The following BCL2 variants were observed in gnomAD, a reference collection of about 807,000 sequenced individuals.
BCL2 encodes apoptosis regulator Bcl-2.
Under a neutral mutation model 14.2 loss-of-function variants are expected in BCL2, and 1 was observed. The ratio of observed to expected loss-of-function variants is 0.07; its 90% CI spans 0.02 to 0.33. The LOEUF (loss-of-function observed/expected upper bound fraction) is 0.33, where lower values mean the gene tolerates loss of function less well. Ranked by LOEUF, BCL2 falls within the 10% of genes least tolerant of loss-of-function variation. The pLI is 0.99. For missense variants in BCL2, 247 were observed against 305.9 expected (o/e 0.81, Z 1.44); for synonymous variants, 151 against 137.2 (o/e 1.10, Z -0.70).
intron 2 of BCL2, among the ~76,000 whole-genome samples, chr18:63,197,951 T>C (rs540148052): frequency 5.9e-5 from 9 of 152,310 alleles, no homozygotes; most frequent in South Asian, 2.1e-4. Flanking sequence ...ATTTTCTCCA[T>C]TGAAAATTTC....
chr18:63,172,452 C>T (rs373638416), intron 2 of BCL2, among the ~76,000 whole-genome samples: 1 of 152,158 alleles, frequency 6.6e-6, no homozygotes, highest in East Asian at 1.9e-4. Flanking sequence ...GGGGACTCAA[C>T]AATCATGCCC....
At chr18:63,161,569 T>C (rs1914922497) in intron 2 of BCL2, among the ~76,000 whole-genome samples, 1 of 152,214 alleles carries the variant, frequency 6.6e-6, no homozygotes, top group South Asian at 2.1e-4. Context: ...CAGCCTCAGA[T>C]GGCTTGGTGT....
rs183922831 is a variant in BCL2, at chr18:63,306,979, G to A, written c.585+11103C>T. Among the ~76,000 whole-genome samples, 349 of 152,056 alleles carry A rather than the reference G, an allele frequency of 2.3e-3. 1 individual carries two copies. The highest frequency in any genetic ancestry group is 3.6e-3 in the Non-Finnish European group (245 of 67,994). Reference sequence around the variant, plus strand: ...AGCACTGCCCTAGACTATCAGCCACGCCGCTCTGGCTCTCACTTCCCACTT... The same window carrying A: ...AGCACTGCCCTAGACTATCAGCCACACCGCTCTGGCTCTCACTTCCCACTT... On this transcript the variant is annotated intron_variant, in intron 2 of 2. Coordinates refer to ENST00000333681, the MANE Select transcript of BCL2 (RefSeq NM_000633.3).
Position 63,127,491 on chromosome 18 carries a change from C to T in BCL2, c.*1134G>A. The T allele has an allele frequency of 8.6e-6, 2 of 232,404 alleles. No homozygotes were observed. Among genetic ancestry groups the T allele is most frequent in the Non-Finnish European group, 1.7e-5 (2 of 117,508 alleles). The allele number at this position is 232,404 out of a possible 1,614,324, so 14.4% of individuals were successfully genotyped here. On this transcript the variant is annotated 3_prime_UTR_variant, in exon 3 of 3. Transcript: ENST00000333681. The stretch of plus-strand genomic sequence containing the variant: ...CCAGGGTGACAGGCCCAGCCACACC[C>T]CTCTACTGCTCTTTCTTGACAGTGG...
chr18:63,217,757 C>A (rs1312302194), intron 2 of BCL2, among the ~76,000 whole-genome samples: 1 of 152,174 alleles, frequency 6.6e-6, no homozygotes, highest in Non-Finnish European at 1.5e-5. Context: ...TAAGGTTAGA[C>A]AAAGTGATCT....
chr18:63,308,522 A>G (rs188193019), intron 2 of BCL2, among the ~76,000 whole-genome samples: 24 of 152,306 alleles, frequency 1.6e-4, no homozygotes, highest in African/African-American at 5.8e-4. Context: ...TGTGTCTACA[A>G]CCTTCGTATA....
At chr18:63,199,816 G>T (rs1909638074) in intron 2 of BCL2, among the ~76,000 whole-genome samples, 1 of 152,146 alleles carries the variant, frequency 6.6e-6, no homozygotes, top group African/African-American at 2.4e-5. Flanking sequence ...TGTGCTGTGA[G>T]TGGCATAATC....
At chr18:63,193,763 T>C (rs1414118239) in intron 2 of BCL2, among the ~76,000 whole-genome samples, 2 of 152,100 alleles carry the variant, frequency 1.3e-5, no homozygotes, top group African/African-American at 4.8e-5. Context: ...GAGGTTTCAG[T>C]ATGGTGGTCC....
intron 2 of BCL2, among the ~76,000 whole-genome samples, chr18:63,275,584 GA>G (rs1296077389): frequency 6.6e-6 from 1 of 152,112 alleles, no homozygotes; most frequent in Non-Finnish European, 1.5e-5. Context: ...TCATATTGTC[GA>G]AAAATAAAAA....
At chr18:63,169,375 C>CTTTCTTTCTTTCTT (rs1915160815) in intron 2 of BCL2, among the ~76,000 whole-genome samples, 1 of 106,966 alleles carries the variant, frequency 9.3e-6, no homozygotes, top group Non-Finnish European at 1.7e-5. Flanking sequence ...CTTTCTCTTT[C>CTTTCTTTCTTTCTT]TTTCTTTCTT....
intron 2 of BCL2, among the ~76,000 whole-genome samples, chr18:63,205,275 C>G (rs1048708566): frequency 1.3e-5 from 2 of 152,210 alleles, no homozygotes; most frequent in African/African-American, 4.8e-5. Context: ...TATTTGTACA[C>G]CTGGCTGTCT....
At chr18:63,244,041 C>T (rs890016259) in intron 2 of BCL2, among the ~76,000 whole-genome samples, 3 of 152,044 alleles carry the variant, frequency 2.0e-5, no homozygotes, top group Non-Finnish European at 4.4e-5. Context: ...GTCAGGAGTT[C>T]GAGACCAGCC....
chr18:63,133,319 A>AT (rs34022610), intron 2 of BCL2, among the ~76,000 whole-genome samples: 19,274 of 102,896 alleles, frequency 0.19, 2,303 homozygotes, highest in South Asian at 0.42. Context: ...ACCTTCAAGA[A>AT]TTTTTTTTTT....
At position 63,124,766 on chromosome 18, in the gene BCL2, CAA is replaced by C. The variant is rs1244081755; in HGVS notation, c.*3857_*3858del. On this transcript the variant is annotated 3_prime_UTR_variant, in exon 3 of 3. Transcript: ENST00000333681. ...TGTGTAACCACATTTGTCTGGGCTG[CAA>C]AAGACACCACAGAATAAGATCAGAA... The C allele has an allele frequency of 8.7e-6, 2 of 229,538 alleles. No individual in the cohort carries two copies. The highest frequency in any genetic ancestry group is 4.4e-5 in the African/African-American group (2 of 45,106). The allele number at this position is 229,538 out of a possible 1,614,324, so 14.2% of individuals were successfully genotyped here. A position where few individuals can be genotyped will look rare whatever the true frequency, so the allele number is the denominator to read the frequency against.
chr18:63,220,398 A>C (rs117740002), intron 2 of BCL2, among the ~76,000 whole-genome samples: 3,711 of 152,290 alleles, frequency 0.024, 64 homozygotes, highest in Non-Finnish European at 0.038. Context: ...CCACTGTATC[A>C]GTGCTATTGT....
At chr18:63,268,905 T>C (rs1911920312) in intron 2 of BCL2, among the ~76,000 whole-genome samples, 1 of 152,138 alleles carries the variant, frequency 6.6e-6, no homozygotes, top group South Asian at 2.1e-4. Context: ...TCCATGAAAG[T>C]ATTAAATATT....
rs562451400 is a variant in BCL2 at position 63,157,257 on chromosome 18, C to T, written c.586-28498G>A. On this transcript the variant is annotated intron_variant, in intron 2 of 2. Coordinates refer to ENST00000333681, the MANE Select transcript of BCL2 (RefSeq NM_000633.3). ...CGGAGAGGTGAACTGCCTGTCAGCA[C>T]GGAAAACAGGACCAGACATAATCAT... is the stretch of plus-strand genomic sequence containing the variant. Among the ~76,000 whole-genome samples the T allele has an allele frequency of 6.6e-5, 10 of 152,306 alleles. No homozygotes were observed. In the East Asian group the frequency reaches 7.7e-4, roughly 12 times the overall value.
chr18:63,167,845 A>G (rs6567324), intron 2 of BCL2, among the ~76,000 whole-genome samples: 43,858 of 151,700 alleles, frequency 0.29, 8,815 homozygotes, highest in African/African-American at 0.54. Context: ...AGAATCATTT[A>G]AACCCGGGAG....
At chr18:63,217,738 G>A (rs1910245211) in intron 2 of BCL2, among the ~76,000 whole-genome samples, 1 of 152,204 alleles carries the variant, frequency 6.6e-6, no homozygotes, top group Non-Finnish European at 1.5e-5. Context: ...GTTTCCTTAA[G>A]TAAAATGCTA....
Sources: gnomAD v4.1 joint callset for allele counts (sites outside exome capture counted in the v4.1 genomes callset) on GRCh38, gnomAD v4.1.1 for gene constraint, MANE v1.5 for transcripts, NCBI Gene and HGNC (gene_info 2026-07-23, HGNC 2026-07-21) for gene names.